SETD2: variants seen among roughly 807,000 people sequenced by gnomAD.
The protein encoded by SETD2 is histone-lysine N-methyltransferase SETD2.
Under a neutral mutation model 242.1 loss-of-function variants are expected in SETD2, and 31 were observed. That is an observed-to-expected ratio of 0.13 (90% CI 0.10 to 0.17). The LOEUF (loss-of-function observed/expected upper bound fraction) is 0.17, where lower values mean the gene tolerates loss of function less well. Ranked by LOEUF, SETD2 falls within the 10% of genes least tolerant of loss-of-function variation. The pLI is 1.00. For missense variants in SETD2, 2,481 were observed against 3,046.3 expected (o/e 0.81, Z 4.37); for synonymous variants, 1,006 against 1,066.5 (o/e 0.94, Z 1.11).
chr3:47,145,126 A>G (rs762350794), intron 1 of SETD2, among the ~76,000 whole-genome samples: 4 of 152,236 alleles, frequency 2.6e-5, no homozygotes, highest in Non-Finnish European at 5.9e-5. Context: ...GACAATGTGT[A>G]AACATAACTA....
intron 17 of SETD2, among the ~76,000 whole-genome samples, chr3:47,041,877 C>T (rs763701937): frequency 4.0e-5 from 6 of 151,792 alleles, no homozygotes; most frequent in Non-Finnish European, 5.9e-5. Context: ...AAGCGCTGTC[C>T]GTAAAAAAAA....
At chr3:47,054,946 T>TC (rs2039993384) in intron 15 of SETD2, among the ~76,000 whole-genome samples, 1 of 152,124 alleles carries the variant, frequency 6.6e-6, no homozygotes, top group African/African-American at 2.4e-5. Context: ...TTTAAGGAAT[T>TC]GAGTCAAATC....
At position 47,017,356 on chromosome 3, in the gene SETD2, T is replaced by G; in HGVS notation, c.7534-102A>C. 46 of 1,208,368 alleles carry G rather than the reference T, an allele frequency of 3.8e-5. No homozygotes were observed. Among genetic ancestry groups the G allele is most frequent in the Non-Finnish European group, 4.6e-5 (39 of 851,360 alleles). 74.9% of individuals were successfully genotyped at this position (1,208,368 alleles called of 1,614,324 possible). ...AATCCAGCCTGCTGCTTCAGGGCCCTTCTCACCAAGACAGGAAGTTAATAA... is the reference window on the plus strand; with the variant it reads ...AATCCAGCCTGCTGCTTCAGGGCCCGTCTCACCAAGACAGGAAGTTAATAA... On this transcript the variant is annotated intron_variant, in intron 20 of 20. Transcript: ENST00000409792. This position sits in a 1 kb window ranked among gnomAD's most constrained non-coding sequence, Gnocchi z 4.8.
At chr3:47,073,139 A>G (rs2040899209) in intron 12 of SETD2, among the ~76,000 whole-genome samples, 1 of 121,276 alleles carries the variant, frequency 8.2e-6, no homozygotes, top group African/African-American at 3.5e-5. Flanking sequence ...TAACAGAGTG[A>G]CATTCCATCT....
intron 5 of SETD2, among the ~76,000 whole-genome samples, chr3:47,107,243 T>C (rs1179059508): frequency 6.6e-6 from 1 of 152,194 alleles, no homozygotes; most frequent in African/African-American, 2.4e-5. Context: ...AAACATACCC[T>C]AATTCTAATG....
At chr3:47,096,911 C>T (rs376432142) in intron 9 of SETD2, among the ~76,000 whole-genome samples, 86 of 152,202 alleles carry the variant, frequency 5.7e-4, no homozygotes, top group Admixed American at 4.0e-3. Context: ...CTTTTTTTAA[C>T]GGACCTTTCC....
At chr3:47,133,069 C>T (rs2043514882) in intron 1 of SETD2, among the ~76,000 whole-genome samples, 1 of 152,072 alleles carries the variant, frequency 6.6e-6, no homozygotes, top group South Asian at 2.1e-4. Flanking sequence ...GGCATCATGT[C>T]TGCAAATTTC....
At chr3:47,025,581 C>T (rs2038436315) in intron 18 of SETD2, among the ~76,000 whole-genome samples, 1 of 152,172 alleles carries the variant, frequency 6.6e-6, no homozygotes, top group Non-Finnish European at 1.5e-5. Context: ...TTGCTAACTT[C>T]CCTATATGCA....
chr3:47,164,702 G>C (rs1697620782), upstream of SETD2: 1 of 152,308 alleles, frequency 6.6e-6, no homozygotes, highest in Admixed American at 6.5e-5. The surrounding 1 kb of genome is among the most constrained non-coding windows in gnomAD (Gnocchi z 5.4). Flanking sequence ...CGACCCTTTA[G>C]CAAGCATGGA....
chr3:47,138,219 G>A (rs1194082450), intron 1 of SETD2: 9 of 183,334 alleles, frequency 4.9e-5, no homozygotes, highest in East Asian at 1.7e-4. Context: ...TGATCCGCCC[G>A]CCTCAGCCTC....
chr3:47,155,418 C>A (rs1559770472), intron 1 of SETD2, among the ~76,000 whole-genome samples: 1 of 152,120 alleles, frequency 6.6e-6, no homozygotes, highest in East Asian at 1.9e-4. Context: ...ACAAACGTGG[C>A]AAAATTCCAA....
At chr3:47,135,767 G>A (rs571184896) in intron 1 of SETD2, among the ~76,000 whole-genome samples, 46 of 152,180 alleles carry the variant, frequency 3.0e-4, no homozygotes, top group African/African-American at 1.1e-3. Context: ...CTCAATTGAC[G>A]ATCCCACCAC....
intron 1 of SETD2, among the ~76,000 whole-genome samples, chr3:47,137,723 G>A (rs1438016516): frequency 6.6e-6 from 1 of 151,978 alleles, no homozygotes; most frequent in Non-Finnish European, 1.5e-5. Context: ...GAATCTTGCT[G>A]TCGCCCAGGC....
At chr3:47,023,628 C>A (rs749745306) in intron 18 of SETD2, among the ~76,000 whole-genome samples, 2 of 152,016 alleles carry the variant, frequency 1.3e-5, no homozygotes, top group Non-Finnish European at 2.9e-5. Context: ...TGGTGTTCTG[C>A]ATCTGTAGGC....
chr3:47,129,464 T>C (rs79219487), intron 1 of SETD2, among the ~76,000 whole-genome samples: 4,980 of 152,310 alleles, frequency 0.033, 239 homozygotes, highest in East Asian at 0.13. Context: ...GTTTTTCTTT[T>C]TAAAAACATA....
intron 13 of SETD2, among the ~76,000 whole-genome samples, chr3:47,066,505 C>T (rs1179711874): frequency 6.6e-6 from 1 of 152,106 alleles, no homozygotes; most frequent in African/African-American, 2.4e-5. Flanking sequence ...CACCACCACA[C>T]TTAGCTAATA....
chr3:47,067,808 T>C (rs1022291173), intron 12 of SETD2, among the ~76,000 whole-genome samples: 2 of 152,214 alleles, frequency 1.3e-5, no homozygotes, highest in South Asian at 2.1e-4. Context: ...AAAAATTGTA[T>C]GTGTAAAGAC....
intron 1 of SETD2, among the ~76,000 whole-genome samples, chr3:47,163,149 G>T (rs991122187): frequency 6.6e-6 from 1 of 152,160 alleles, no homozygotes; most frequent in African/African-American, 2.4e-5. Context: ...TTTTCAAGCG[G>T]AAAAACAAAC....
At chr3:47,046,903 CAATGACATTGG>C (rs374732446) in intron 15 of SETD2, 150 of 198,528 alleles carry the variant, frequency 7.6e-4, no homozygotes, top group African/African-American at 3.3e-3. Context: ...GTTTAGCTTT[CAATGACATTGG>C]AATGACATTG....
Sources: gnomAD v4.1 joint callset for allele counts (sites outside exome capture counted in the v4.1 genomes callset) on GRCh38, gnomAD v4.1.1 for gene constraint, Gnocchi (gnomAD v3.1) non-coding constraint, MANE v1.5 for transcripts, NCBI Gene and HGNC (gene_info 2026-07-23, HGNC 2026-07-21) for gene names.